Variants in SGK3 observed in about 807,000 individuals in gnomAD.
The protein encoded by SGK3 is serine/threonine-protein kinase Sgk3.
SGK3 carries 47 observed loss-of-function variants against 68.5 expected under a neutral mutation model. That is an observed-to-expected ratio of 0.69 (90% CI 0.54 to 0.87). SGK3 has a LOEUF of 0.87. Among genes scored for constraint, SGK3 ranks in the 40% least tolerant of loss-of-function variants. The pLI is 0.00. For missense variants in SGK3, 479 were observed against 575.5 expected (o/e 0.83, Z 1.72); for synonymous variants, 181 against 189.1 (o/e 0.96, Z 0.35).
Position 66,849,974 on chromosome 8 carries a change from C to T in SGK3, c.1231-857C>T, listed in dbSNP as rs563337092. Among the ~76,000 whole-genome samples, 7 of 152,282 alleles carry T rather than the reference C, an allele frequency of 4.6e-5. No individual in the cohort carries two copies. The East Asian group carries it at 9.6e-4, about 21-fold the overall frequency. ...TTGTGACATTCTCATAACTAAATCC[C>T]CTTGATGGCTTCTTATGACCCTAGA... On this transcript the variant is annotated intron_variant, in intron 15 of 16. Coordinates refer to ENST00000521198, the MANE Select transcript of SGK3 (RefSeq NM_001033578.3).
chr8:66,809,992 T>A (rs371449004), intron 4 of SGK3, among the ~76,000 whole-genome samples: 1 of 152,168 alleles, frequency 6.6e-6, no homozygotes, highest in South Asian at 2.1e-4. Flanking sequence ...CTCGGTGCCT[T>A]CTATGACTTA....
intron 11 of SGK3, 42 bp downstream of exon 11, chr8:66,840,157 T>C: frequency 6.3e-7 from 1 of 1,599,444 alleles, no homozygotes; most frequent in Non-Finnish European, 8.5e-7. Context: ...TATATAACAA[T>C]ATTTTATTTC....
intron 1 of SGK3, among the ~76,000 whole-genome samples, chr8:66,759,737 A>G (rs974159647): frequency 2.0e-5 from 3 of 151,964 alleles, no homozygotes; most frequent in African/African-American, 7.3e-5. Context: ...ATCTCAGCTC[A>G]CTGCAAGCTC....
At chr8:66,753,923 A>G (rs1805902529) in intron 1 of SGK3, among the ~76,000 whole-genome samples, 1 of 152,226 alleles carries the variant, frequency 6.6e-6, no homozygotes, top group Non-Finnish European at 1.5e-5. Flanking sequence ...CCTAGAAGTC[A>G]TGGATATCAC....
At chr8:66,756,276 CTGT>C (rs1805970047) in intron 1 of SGK3, among the ~76,000 whole-genome samples, 1 of 152,102 alleles carries the variant, frequency 6.6e-6, no homozygotes, top group African/African-American at 2.4e-5. Context: ...CAATGCATTT[CTGT>C]TGTTTAAACC....
At position 66,757,293 on chromosome 8, in the gene SGK3, A is replaced by G. The variant is rs188242459; in HGVS notation, c.-121-36323A>G. 3.3e-3 allele frequency among the ~76,000 whole-genome samples: 502 copies of G among 151,834 alleles called. 5 individuals are homozygous for G. Among genetic ancestry groups the G allele is most frequent in the African/African-American group, 0.012 (487 of 41,424 alleles). ...ACTACAGGCATGTACCACCACACCT[A>G]GCTAATTTTTGTATTTTTTTTGTAG... is the stretch of plus-strand genomic sequence containing the variant. On this transcript the variant is annotated intron_variant, in intron 1 of 16. Coordinates refer to ENST00000521198, the MANE Select transcript of SGK3 (RefSeq NM_001033578.3).
At chr8:66,811,793 G>A (rs1354085122) in intron 4 of SGK3, among the ~76,000 whole-genome samples, 7 of 152,224 alleles carry the variant, frequency 4.6e-5, no homozygotes, top group African/African-American at 1.7e-4. Flanking sequence ...TATCCTAAAT[G>A]TAGTCATTCA....
intron 1 of SGK3, among the ~76,000 whole-genome samples, chr8:66,790,544 T>C (rs1807405100): frequency 6.6e-6 from 1 of 152,354 alleles, no homozygotes; most frequent in South Asian, 2.1e-4. Context: ...CAGGATTATA[T>C]ATTGAATTGG....
At chr8:66,718,788 A>G (rs925499279) in intron 1 of SGK3, among the ~76,000 whole-genome samples, 1 of 152,208 alleles carries the variant, frequency 6.6e-6, no homozygotes, top group South Asian at 2.1e-4. Context: ...TCAGCTTCCC[A>G]AAGTGCTGGA....
At chr8:66,849,414 A>C (rs1810170319) in intron 15 of SGK3, among the ~76,000 whole-genome samples, 1 of 152,036 alleles carries the variant, frequency 6.6e-6, no homozygotes, top group Non-Finnish European at 1.5e-5. Context: ...ACAAACAGCC[A>C]GTTCCTTTTT....
rs1177867449 is a variant in SGK3 at position 66,816,337 on chromosome 8, C to CTTT, written c.329+2427_329+2429dup. Among the ~76,000 whole-genome samples the CTTT allele has an allele frequency of 2.6e-3, 301 of 114,138 alleles. 1 individual carries two copies. The highest frequency in any genetic ancestry group is 6.9e-3 in the East Asian group (26 of 3,786). The allele number at this position is 114,138 out of a possible 152,430, so 74.9% of individuals were successfully genotyped here. On this transcript the variant is annotated intron_variant, in intron 5 of 16. Transcript: ENST00000521198. Reference sequence around the variant, plus strand: ...TCTTTTTAGCAAAATGTGACATTTCCTTTTTTTTTTTTTTTTTTTTGTGTG... The same window carrying CTTT: ...TCTTTTTAGCAAAATGTGACATTTCCTTTTTTTTTTTTTTTTTTTTTTTGTGTG...
At chr8:66,849,328 A>G (rs1259929943) in intron 15 of SGK3, among the ~76,000 whole-genome samples, 3 of 152,226 alleles carry the variant, frequency 2.0e-5, no homozygotes, top group African/African-American at 7.2e-5. Flanking sequence ...AAAGGACATC[A>G]CTGTCCATGT....
chr8:66,766,540 AAAT>A (rs1806325267), intron 1 of SGK3, among the ~76,000 whole-genome samples: 1 of 152,104 alleles, frequency 6.6e-6, no homozygotes, highest in African/African-American at 2.4e-5. Flanking sequence ...ATAAATAAAT[AAAT>A]AAATAAAATC....
chr8:66,749,337 C>A (rs1459611916), intron 1 of SGK3, among the ~76,000 whole-genome samples: 1 of 152,048 alleles, frequency 6.6e-6, no homozygotes, highest in Admixed American at 6.6e-5. Flanking sequence ...AATGGTGAAA[C>A]TCCATCTCTA....
chr8:66,767,684 C>T lies in SGK3; in HGVS notation c.-121-25932C>T, dbSNP rs117058637. 28 of 1,422,906 alleles carry T rather than the reference C, an allele frequency of 2.0e-5. No individual in the cohort carries two copies. In the East Asian group the frequency reaches 6.2e-4, roughly 31 times the overall value. The allele number at this position is 1,422,906 out of a possible 1,614,324, so 88.1% of individuals were successfully genotyped here. ...TTTTCTATTTCTGGATAGCCATCAT[C>T]TGAGGCAGGAACAGAGTTTTTTGCT... On this transcript the variant is annotated intron_variant, in intron 1 of 16. Coordinates refer to ENST00000521198, the MANE Select transcript of SGK3 (RefSeq NM_001033578.3).
At chr8:66,815,085 T>C (rs1466022582) in intron 5 of SGK3, among the ~76,000 whole-genome samples, 1 of 152,196 alleles carries the variant, frequency 6.6e-6, no homozygotes, top group South Asian at 2.1e-4. Flanking sequence ...AGAACTGTAT[T>C]TTTGAGTAAT....
At chr8:66,790,039 C>T (rs1807373317) in intron 1 of SGK3, among the ~76,000 whole-genome samples, 2 of 152,182 alleles carry the variant, frequency 1.3e-5, no homozygotes, top group South Asian at 4.2e-4. Context: ...GATTGCGCCA[C>T]TGCACTGCAG....
Position 66,797,875 on chromosome 8 carries a change from A to G in SGK3, c.97-667A>G, listed in dbSNP as rs373529402. Among the ~76,000 whole-genome samples the G allele has an allele frequency of 3.9e-5, 6 of 152,374 alleles. No individual in the cohort carries two copies. In the East Asian group the frequency reaches 5.8e-4, roughly 15 times the overall value. On this transcript the variant is annotated intron_variant, in intron 2 of 16. Coordinates refer to ENST00000521198, the MANE Select transcript of SGK3 (RefSeq NM_001033578.3). ...AAGAATGGCAACATGTTAGAATTCA[A>G]TAGATCCAAATAATGAGCACATGAG...
At chr8:66,820,133 T>C (rs1333483388) in intron 5 of SGK3, among the ~76,000 whole-genome samples, 1 of 152,128 alleles carries the variant, frequency 6.6e-6, no homozygotes, top group African/African-American at 2.4e-5. Context: ...TTTTAGTGTA[T>C]TCACGATGCT....
Sources: allele counts gnomAD v4.1 joint callset (sites outside exome capture counted in the v4.1 genomes callset), GRCh38; gene constraint gnomAD v4.1.1; transcripts MANE v1.5; gene names NCBI Gene and HGNC (gene_info 2026-07-23, HGNC 2026-07-21).